The following TEAD1 variants were observed in gnomAD, a reference collection of about 807,000 sequenced individuals.
TEAD1 encodes TEA domain transcription factor 1.
Under a neutral mutation model 54.9 loss-of-function variants are expected in TEAD1, and 9 were observed. The ratio of observed to expected loss-of-function variants is 0.16; its 90% CI spans 0.10 to 0.29. TEAD1 has a LOEUF of 0.29. Among genes scored for constraint, TEAD1 ranks in the 10% least tolerant of loss-of-function variants. The pLI, the probability that TEAD1 is intolerant of heterozygous loss-of-function variation, is 1.00. For missense variants in TEAD1, 387 were observed against 535.9 expected (o/e 0.72, Z 2.74); for synonymous variants, 200 against 187.8 (o/e 1.07, Z -0.53).
intron 2 of TEAD1, among the ~76,000 whole-genome samples, chr11:12,746,833 C>CTGCTGAA (rs1439987711): frequency 6.6e-6 from 1 of 152,240 alleles, no homozygotes; most frequent in African/African-American, 2.4e-5. Flanking sequence ...GGATGAGCTG[C>CTGCTGAA]TGCTGAAGCA....
intron 3 of TEAD1, among the ~76,000 whole-genome samples, chr11:12,845,436 GA>G (rs1376025106): frequency 3.9e-5 from 6 of 152,312 alleles, no homozygotes; most frequent in African/African-American, 1.4e-4. Flanking sequence ...TCTAGCACAG[GA>G]GTTAATTGAG....
chr11:12,722,707 A>G (rs1004745668), intron 2 of TEAD1, among the ~76,000 whole-genome samples: 2 of 152,006 alleles, frequency 1.3e-5, no homozygotes, highest in Admixed American at 6.5e-5. Flanking sequence ...GTCAAACAAA[A>G]GAGGGAAAAA....
chr11:12,676,472 C>T (rs1464905846), intron 2 of TEAD1, among the ~76,000 whole-genome samples: 1 of 152,248 alleles, frequency 6.6e-6, no homozygotes, highest in African/African-American at 2.4e-5. Context: ...CTTCAGGCTA[C>T]GCCCGGTGCT....
chr11:12,876,218 C>T (rs918395117), intron 5 of TEAD1, among the ~76,000 whole-genome samples: 2 of 152,176 alleles, frequency 1.3e-5, no homozygotes, highest in African/African-American at 4.8e-5. Flanking sequence ...GTGACATAAA[C>T]AGCAAAGATA....
rs375635640 is a variant in TEAD1, at chr11:12,758,283, C to A, written c.-54-5896C>A. On this transcript the variant is annotated intron_variant, in intron 2 of 12. Coordinates refer to ENST00000527636, the MANE Select transcript of TEAD1 (RefSeq NM_021961.6). ...TGTGATGGAGTCTCACTCTGTTGCC[C>A]AGGCTGGAGTGCAGTGGCACAATCT... Among the ~76,000 whole-genome samples, 110 of 151,152 alleles carry A rather than the reference C, an allele frequency of 7.3e-4. No individual in the cohort carries two copies. In the South Asian group the frequency reaches 0.022, roughly 30 times the overall value.
At chr11:12,804,938 GA>G (rs1946137012) in intron 3 of TEAD1, among the ~76,000 whole-genome samples, 1 of 152,202 alleles carries the variant, frequency 6.6e-6, no homozygotes, top group African/African-American at 2.4e-5. Context: ...CCCTGACTTA[GA>G]AAAGACTCTG....
intron 7 of TEAD1, among the ~76,000 whole-genome samples, chr11:12,881,580 G>A (rs750352807): frequency 2.0e-5 from 3 of 152,234 alleles, no homozygotes; most frequent in African/African-American, 4.8e-5. Context: ...CCTGAAGCAT[G>A]TCCCACACTT....
At chr11:12,844,099 C>T (rs933808121) in intron 3 of TEAD1, among the ~76,000 whole-genome samples, 4 of 152,132 alleles carry the variant, frequency 2.6e-5, no homozygotes, top group African/African-American at 9.7e-5. Context: ...ATTAAATATT[C>T]AGAAACTTTT....
Position 12,834,814 on chromosome 11 carries a change from G to T in TEAD1, c.203-27436G>T, listed in dbSNP as rs145779747. Reference sequence around the variant, plus strand: ...AGTTTGTTTGTAGAGGTGGGATCTTGCTGTGTTGCCCAGGCTGGTCTCAAA... The same window carrying T: ...AGTTTGTTTGTAGAGGTGGGATCTTTCTGTGTTGCCCAGGCTGGTCTCAAA... On this transcript the variant is annotated intron_variant, in intron 3 of 12. Coordinates refer to ENST00000527636, the MANE Select transcript of TEAD1 (RefSeq NM_021961.6). Among the ~76,000 whole-genome samples, 388 of 146,888 alleles carry T rather than the reference G, an allele frequency of 2.6e-3. 1 individual carries two copies. The highest frequency in any genetic ancestry group is 9.5e-3 in the African/African-American group (377 of 39,746).
At chr11:12,783,191 CCTTTTTTTTT>C (rs1033992100) in intron 3 of TEAD1, among the ~76,000 whole-genome samples, 13 of 114,152 alleles carry the variant, frequency 1.1e-4, no homozygotes, top group African/African-American at 4.8e-4. Flanking sequence ...AGTTTTTGTG[CCTTTTTTTTT>C]TTTTTTTTTT....
At chr11:12,830,024 T>G (rs965931152) in intron 3 of TEAD1, among the ~76,000 whole-genome samples, 5 of 151,382 alleles carry the variant, frequency 3.3e-5, no homozygotes, top group Non-Finnish European at 5.9e-5. Flanking sequence ...AGTGGAGAGA[T>G]AGAGGGAGAA....
At chr11:12,900,448 G>A (rs1224185451) in intron 9 of TEAD1, among the ~76,000 whole-genome samples, 1 of 152,156 alleles carries the variant, frequency 6.6e-6, no homozygotes, top group African/African-American at 2.4e-5. Context: ...TTTATTGACT[G>A]CTTATTCTTG....
intron 3 of TEAD1, among the ~76,000 whole-genome samples, chr11:12,807,872 T>A (rs568635201): frequency 4.3e-4 from 66 of 152,296 alleles, no homozygotes; most frequent in South Asian, 1.5e-3. Flanking sequence ...GGTTGCTGTG[T>A]CCCCGCCTTC....
chr11:12,702,797 A>T lies in TEAD1; in HGVS notation c.-55+27236A>T, dbSNP rs534426115. Among the ~76,000 whole-genome samples the T allele has an allele frequency of 2.0e-5, 3 of 152,302 alleles. No individual in the cohort carries two copies. The East Asian group carries it at 5.8e-4, about 29-fold the overall frequency. On this transcript the variant is annotated intron_variant, in intron 2 of 12. Coordinates refer to ENST00000527636, the MANE Select transcript of TEAD1 (RefSeq NM_021961.6). ...CTCAGCAGGTTAATTAATTTGCTGC[A>T]TCATCATCACCATCATTATCCGATA...
rs397842274 is a variant in TEAD1, at chr11:12,814,777, C to CTG, written c.203-47411_203-47410dup. On this transcript the variant is annotated intron_variant, in intron 3 of 12. Transcript: ENST00000527636. The stretch of plus-strand genomic sequence containing the variant: ...AGCCACCCCTGACCATCGCAGAGCT[C>CTG]TGTGTGTGTGTGTGTGTGTGTGTGT... Among the ~76,000 whole-genome samples, 529 of 106,132 alleles carry CTG rather than the reference C, an allele frequency of 5.0e-3. 7 individuals are homozygous for CTG. Among genetic ancestry groups the CTG allele is most frequent in the African/African-American group, 0.015 (442 of 29,348 alleles). 69.6% of individuals were successfully genotyped at this position (106,132 alleles called of 152,430 possible).
At chr11:12,793,819 G>C (rs901845033) in intron 3 of TEAD1, among the ~76,000 whole-genome samples, 3 of 152,206 alleles carry the variant, frequency 2.0e-5, no homozygotes, top group Admixed American at 6.5e-5. Flanking sequence ...CTCACTGAGT[G>C]CTGACTGTCC....
Position 12,754,066 on chromosome 11 carries a change from C to T in TEAD1, c.-54-10113C>T, listed in dbSNP as rs1944936199. ...ATGTGTATGAGTTTGTTTCTAGATT[C>T]TCTAATCTGATTCCTTGGCCTATTT... On this transcript the variant is annotated intron_variant, in intron 2 of 12. Transcript: ENST00000527636. Among the ~76,000 whole-genome samples the T allele has an allele frequency of 2.6e-5, 4 of 152,178 alleles. No homozygotes were observed. The South Asian group carries it at 8.3e-4, about 32-fold the overall frequency.
At chr11:12,743,845 C>T (rs1001591952) in intron 2 of TEAD1, among the ~76,000 whole-genome samples, 3 of 152,158 alleles carry the variant, frequency 2.0e-5, no homozygotes, top group Non-Finnish European at 2.9e-5. Flanking sequence ...CTTGATTTGC[C>T]GGACACCTAT....
At chr11:12,776,492 G>A (rs1945422020) in intron 3 of TEAD1, among the ~76,000 whole-genome samples, 1 of 152,112 alleles carries the variant, frequency 6.6e-6, no homozygotes, top group African/African-American at 2.4e-5. Context: ...AAGTAATCTT[G>A]TATTTGTGCT....
Sources: gnomAD v4.1 joint callset for allele counts (sites outside exome capture counted in the v4.1 genomes callset) on GRCh38, gnomAD v4.1.1 for gene constraint, MANE v1.5 for transcripts, NCBI Gene and HGNC (gene_info 2026-07-23, HGNC 2026-07-21) for gene names.